Variants in KCNJ1 observed in about 807,000 individuals in gnomAD.
The protein encoded by KCNJ1 is potassium inwardly rectifying channel subfamily J member 1.
In KCNJ1, 24 loss-of-function variants were observed where a neutral mutation model predicts 21.9. The ratio of observed to expected loss-of-function variants is 1.10; its 90% CI spans 0.79 to 1.54. The LOEUF (loss-of-function observed/expected upper bound fraction) is 1.54, where lower values mean the gene tolerates loss of function less well. Ranked by LOEUF, KCNJ1 falls within the 40% of genes most tolerant of loss-of-function variation. KCNJ1 has a pLI of 0.00. For missense variants in KCNJ1, 457 were observed against 455.4 expected, an observed-to-expected ratio of 1.00 and a Z score of -0.03; for synonymous variants, 152 against 160.9, an observed-to-expected ratio of 0.94 and a Z score of 0.42.
At chr11:128,854,451 G>T (rs527695325) in intron 1 of KCNJ1, among the ~76,000 whole-genome samples, 1 of 151,804 alleles carries the variant, frequency 6.6e-6, no homozygotes, top group East Asian at 1.9e-4. Flanking sequence ...TCAAAACCCC[G>T]CCTTGCCCCA....
intron 1 of KCNJ1, among the ~76,000 whole-genome samples, chr11:128,861,745 A>T (rs1026794670): frequency 1.3e-5 from 2 of 152,086 alleles, no homozygotes; most frequent in Non-Finnish European, 2.9e-5. Context: ...CCAGAAAGAT[A>T]GATGCAGGCT....
At chr11:128,855,458 G>A (rs971838725) in intron 1 of KCNJ1, among the ~76,000 whole-genome samples, 9 of 152,226 alleles carry the variant, frequency 5.9e-5, no homozygotes, top group Non-Finnish European at 8.8e-5. Flanking sequence ...CCCAGAGGGT[G>A]TGAGGTCCAA....
chr11:128,862,172 G>T (rs1221104717), intron 1 of KCNJ1, among the ~76,000 whole-genome samples: 1 of 152,116 alleles, frequency 6.6e-6, no homozygotes, highest in Non-Finnish European at 1.5e-5. Flanking sequence ...AACTCCACAG[G>T]CTGGGAAACA....
Position 128,840,394 on chromosome 11 carries a change from C to A in KCNJ1, c.-21-130G>T, listed in dbSNP as rs540325420. 3.8e-5 allele frequency: 34 copies of A among 883,724 alleles called. No homozygotes were observed. The African/African-American group carries it at 5.7e-4, about 15-fold the overall frequency. 54.7% of individuals were successfully genotyped at this position (883,724 alleles called of 1,614,324 possible). On this transcript the variant is annotated intron_variant, in intron 2 of 2. Transcript: ENST00000392666. Reference sequence around the variant, plus strand: ...TCTGGGTTACTAATCATTTGGCAAGCTGACAAGTTTATTCTGGATACCACA... The same window carrying A: ...TCTGGGTTACTAATCATTTGGCAAGATGACAAGTTTATTCTGGATACCACA...
At chr11:128,842,591 G>A in intron 2 of KCNJ1, 2 of 1,425,110 alleles carry the variant, frequency 1.4e-6, no homozygotes, top group South Asian at 1.5e-5. Context: ...CAAGGCAATT[G>A]GTTGTTCTCA....
chr11:128,838,162 C>T lies in KCNJ1; in HGVS notation c.*963G>A, dbSNP rs1214084513. The T allele has an allele frequency of 6.6e-6, 1 of 152,612 alleles. No individual in the cohort carries two copies. Among genetic ancestry groups the T allele is most frequent in the African/African-American group, 2.4e-5 (1 of 41,440 alleles). 9.5% of individuals were successfully genotyped at this position (152,612 alleles called of 1,614,324 possible). ...AAGAAGACTTTCACAGTAAAACTTT[C>T]CCCTCAAGGTCGAGCCTTCCATAAG... On this transcript the variant is annotated 3_prime_UTR_variant, in exon 3 of 3. Transcript: ENST00000392666.
chr11:128,839,835 C>T lies in KCNJ1; in HGVS notation c.409G>A (p.Ala137Thr). 6.2e-7 allele frequency: 1 copy of T among 1,614,090 alleles called. No homozygotes were observed. Among genetic ancestry groups the T allele is most frequent in the Non-Finnish European group, 8.5e-7 (1 of 1,179,968 alleles). The stretch of plus-strand genomic sequence containing the variant: ...GACTGAAAGATAAGCAGAAAAATGG[C>T]AGTGGCACACTGTTCTGTCACACAC... Reference protein sequence around the residue: ...FRCVTEQCATAIFLLIFQSIL... With the variant: ...FRCVTEQCATTIFLLIFQSIL... Residue 137 changes from alanine (A) to threonine (T), a missense_variant, in exon 3 of 3, where the codon GCC (alanine) becomes ACC (threonine). Physicochemically the swap from Ala to Thr is moderately conservative, Grantham distance 58. Transcript: ENST00000392666.
intron 1 of KCNJ1, chr11:128,866,600 A>T (rs897104563): frequency 3.7e-6 from 3 of 816,068 alleles, no homozygotes; most frequent in Non-Finnish European, 4.4e-6. Context: ...AAGCTGAACA[A>T]ATGTTGAGAA....
Position 128,838,173 on chromosome 11 carries a change from C to T in KCNJ1, c.*952G>A, listed in dbSNP as rs571837646. The T allele has an allele frequency of 1.3e-5, 2 of 152,530 alleles. No homozygotes were observed. The highest frequency in any genetic ancestry group is 2.1e-4 in the South Asian group (1 of 4,818). The allele number at this position is 152,530 out of a possible 1,614,324, so 9.4% of individuals were successfully genotyped here. ...CACAGTAAAACTTTCCCCTCAAGGT[C>T]GAGCCTTCCATAAGCTGGTCCCTTT... On this transcript the variant is annotated 3_prime_UTR_variant, in exon 3 of 3. Coordinates refer to ENST00000392666, the MANE Select transcript of KCNJ1 (RefSeq NM_153766.3).
In KCNJ1 at chr11:128,838,826, A is replaced by C. The variant is rs998529927; in HGVS notation, c.*299T>G. 5.5e-5 allele frequency: 20 copies of C among 362,588 alleles called. No individual in the cohort carries two copies. The highest frequency in any genetic ancestry group is 2.5e-5 in the Non-Finnish European group (5 of 199,446). The allele number at this position is 362,588 out of a possible 1,614,324, so 22.5% of individuals were successfully genotyped here. A position where few individuals can be genotyped will look rare whatever the true frequency, so the allele number is the denominator to read the frequency against. On this transcript the variant is annotated 3_prime_UTR_variant, in exon 3 of 3. Coordinates refer to ENST00000392666, the MANE Select transcript of KCNJ1 (RefSeq NM_153766.3). ...TGGCCTGTTCATGAAACTTTTGATA[A>C]TTTTATCTGCTCCAATCCACCTTAT... is the stretch of plus-strand genomic sequence containing the variant.
intron 2 of KCNJ1, among the ~76,000 whole-genome samples, chr11:128,845,325 G>A (rs920305098): frequency 2.6e-5 from 4 of 152,246 alleles, no homozygotes; most frequent in African/African-American, 9.6e-5. Flanking sequence ...TTGAGGACAC[G>A]ATGTTAAGGC....
intron 1 of KCNJ1, among the ~76,000 whole-genome samples, chr11:128,855,165 C>T (rs143192269): frequency 2.3e-4 from 35 of 152,316 alleles, no homozygotes; most frequent in African/African-American, 5.5e-4. Context: ...GAGCTGTTTA[C>T]GGTTTTTCTT....
intron 1 of KCNJ1, among the ~76,000 whole-genome samples, chr11:128,857,226 A>G (rs1591418580): frequency 6.6e-6 from 1 of 151,670 alleles, no homozygotes; most frequent in African/African-American, 2.4e-5. Context: ...CTCCATCACC[A>G]CCTTCTTCGA....
In KCNJ1 at chr11:128,840,179, C is replaced by A. The variant is rs1351708338; in HGVS notation, c.65G>T (p.Arg22Met). The part of the protein sequence containing the change: ...RFFGHSRQRA[R>M]LVSKDGRCNI... ...GCACCTTCCATCTTTGGAGACTAGC[C>A]TTGCTCTTTGCCGAGAATGCCCAAA... Residue 22 changes from arginine (R) to methionine (M), a missense_variant, in exon 3 of 3, where the codon AGG becomes ATG. Arg to Met is a moderately conservative substitution (Grantham distance 91). Coordinates refer to ENST00000392666, the MANE Select transcript of KCNJ1 (RefSeq NM_153766.3). The A allele has an allele frequency of 6.2e-7, 1 of 1,614,188 alleles. No homozygotes were observed. Among genetic ancestry groups the A allele is most frequent in the East Asian group, 2.2e-5 (1 of 44,890 alleles).
In KCNJ1 at chr11:128,867,194, T is replaced by C. The variant is rs1030336291; in HGVS notation, c.-213A>G. The C allele has an allele frequency of 3.3e-5, 5 of 152,054 alleles. No homozygotes were observed. The highest frequency in any genetic ancestry group is 9.7e-5 in the African/African-American group (4 of 41,390). 9.4% of individuals were successfully genotyped at this position (152,054 alleles called of 1,614,324 possible). A position where few individuals can be genotyped will look rare whatever the true frequency, so the allele number is the denominator to read the frequency against. On this transcript the variant is annotated 5_prime_UTR_variant, in exon 1 of 3. Coordinates refer to ENST00000392666, the MANE Select transcript of KCNJ1 (RefSeq NM_153766.3). ...TTACCTCATGGATTGCTGGAGTAAATGTAGAAACAAAAACTCATTTTCTTG... is the reference window on the plus strand; with the variant it reads ...TTACCTCATGGATTGCTGGAGTAAACGTAGAAACAAAAACTCATTTTCTTG...
chr11:128,860,258 T>C (rs1445162845), intron 1 of KCNJ1, among the ~76,000 whole-genome samples: 1 of 152,168 alleles, frequency 6.6e-6, no homozygotes, highest in African/African-American at 2.4e-5. Flanking sequence ...ATGACTTGGA[T>C]TTATGGCAAG....
chr11:128,851,260 A>G (rs1943474306), intron 1 of KCNJ1, among the ~76,000 whole-genome samples: 1 of 152,234 alleles, frequency 6.6e-6, no homozygotes, highest in Non-Finnish European at 1.5e-5. Context: ...ATAATTCCAT[A>G]TTGAAATCAC....
intron 1 of KCNJ1, chr11:128,866,530 G>C (rs1049820752): frequency 1.0e-6 from 1 of 976,786 alleles, no homozygotes; most frequent in Non-Finnish European, 1.2e-6. Flanking sequence ...TACCTGTTCA[G>C]AGCAGAGATA....
At position 128,840,073 on chromosome 11, in the gene KCNJ1, C is replaced by G. The variant is rs750511447; in HGVS notation, c.171G>C (p.Lys57Asn). The G allele has an allele frequency of 6.2e-7, 1 of 1,614,198 alleles. No homozygotes were observed. Among genetic ancestry groups the G allele is most frequent in the Admixed American group, 1.7e-5 (1 of 60,028 alleles). The change falls in exon 3 of 3, where the codon AAG becomes AAC. Residue 57 changes from lysine to asparagine, a missense_variant. Physicochemically the swap from Lys to Asn is moderately conservative, Grantham distance 94. Coordinates refer to ENST00000392666, the MANE Select transcript of KCNJ1 (RefSeq NM_153766.3). ...VDIWTTVLDL[K>N]WRYKMTIFIT... ...TGAAAATGGTCATTTTGTATCTCCA[C>G]TTGAGGTCAAGTACCGTTGTCCAGA... is the stretch of plus-strand genomic sequence containing the variant.
Sources: gnomAD v4.1 joint callset for allele counts (sites outside exome capture counted in the v4.1 genomes callset) on GRCh38, gnomAD v4.1.1 for gene constraint, MANE v1.5 for transcripts, NCBI Gene and HGNC (gene_info 2026-07-23, HGNC 2026-07-21) for gene names.